Variants in UTP20 observed in about 807,000 individuals in gnomAD.
UTP20 encodes the protein small subunit processome component 20 homolog.
Under a neutral mutation model 329.5 loss-of-function variants are expected in UTP20, and 164 were observed. That is an observed-to-expected ratio of 0.50 (90% CI 0.44 to 0.57). The LOEUF is 0.57. Among genes scored for constraint, UTP20 ranks in the 20% least tolerant of loss-of-function variants. The pLI is 0.00. For missense variants in UTP20, 3,055 were observed against 3,284.2 expected (o/e 0.93, Z 1.71); for synonymous variants, 1,151 against 1,159.3 (o/e 0.99, Z 0.14).
At chr12:101,349,588 G>A (rs914430367) in intron 38 of UTP20, among the ~76,000 whole-genome samples, 2 of 151,744 alleles carry the variant, frequency 1.3e-5, no homozygotes, top group Admixed American at 1.3e-4. Flanking sequence ...ACAGGCATAC[G>A]CCTTGACTCT....
chr12:101,336,803 A>T (rs747810916), intron 29 of UTP20, among the ~76,000 whole-genome samples: 1 of 152,190 alleles, frequency 6.6e-6, no homozygotes, highest in Non-Finnish European at 1.5e-5. Context: ...ATGTTGTCTG[A>T]GTGATTGGAA....
Position 101,308,260 on chromosome 12 carries a change from G to T in UTP20, c.2071G>T (p.Asp691Tyr), listed in dbSNP as rs1336674781. The change falls in exon 18 of 62, where the codon GAT (aspartate) becomes TAT (tyrosine). Residue 691 changes from aspartate to tyrosine, a missense_variant. This residue lies in a region of UTP20 where 2,445 missense variants were observed against 2,575.5 expected (regional missense o/e 0.95). Transcript: ENST00000261637. ...QAELVPATVNDYREKLLHLRK... is the reference protein window; with the variant it reads ...QAELVPATVNYYREKLLHLRK... The stretch of plus-strand genomic sequence containing the variant: ...AGAACTTGTTCCAGCAACTGTGAAT[G>T]ATTATAGAGAGAAGCTTCTTCATTT... 1.2e-6 allele frequency: 2 copies of T among 1,612,930 alleles called. No homozygotes were observed. Among genetic ancestry groups the T allele is most frequent in the African/African-American group, 2.7e-5 (2 of 74,816 alleles).
intron 12 of UTP20, among the ~76,000 whole-genome samples, chr12:101,296,127 C>G (rs924913792): frequency 6.6e-6 from 1 of 152,168 alleles, no homozygotes; most frequent in African/African-American, 2.4e-5. Flanking sequence ...TATCAGATAT[C>G]ATCAGTTGTA....
At position 101,299,651 on chromosome 12, in the gene UTP20, G is replaced by A. The variant is rs770015552; in HGVS notation, c.1431-31G>A. ...GAGGGCAAGAGCGATTACATTCTCT[G>A]TTATTTTAAACATTTTTTTTAATCC... On this transcript the variant is annotated intron_variant, in intron 12 of 61. Coordinates refer to ENST00000261637, the MANE Select transcript of UTP20 (RefSeq NM_014503.3). 3 of 1,538,964 alleles carry A rather than the reference G, an allele frequency of 1.9e-6. No individual in the cohort carries two copies. In the African/African-American group the frequency reaches 4.2e-5, roughly 21 times the overall value.
intron 48 of UTP20, among the ~76,000 whole-genome samples, chr12:101,368,767 C>G (rs1870182536): frequency 6.6e-6 from 1 of 152,164 alleles, no homozygotes; most frequent in South Asian, 2.1e-4. Flanking sequence ...GGGCGAGGGC[C>G]TAGGTACAGA....
At position 101,385,608 on chromosome 12, in the gene UTP20, G is replaced by T; in HGVS notation, c.8082G>T (p.Gln2694His). 6.2e-7 allele frequency: 1 copy of T among 1,613,620 alleles called. No homozygotes were observed. The highest frequency in any genetic ancestry group is 1.3e-5 in the African/African-American group (1 of 75,002). ...EQDPLLKNLS[Q>H]EIIELLKKLV... ...ATCCTTTGCTGAAGAATCTATCCCA[G>T]GAAATCATAGAATTACTCAAAAAGC... Residue 2694 changes from glutamine (Q) to histidine (H), a missense_variant, in exon 61 of 62, where the codon CAG (glutamine) becomes CAT (histidine). Gln to His is a conservative substitution (Grantham distance 24). This residue lies in a region of UTP20 where 337 missense variants were observed against 345.5 expected (regional missense o/e 0.98). Transcript: ENST00000261637.
At chr12:101,305,863 G>T in intron 15 of UTP20, 52 bp from the exon 16 acceptor site, 1 of 1,473,130 alleles carries the variant, frequency 6.8e-7, no homozygotes, top group Non-Finnish European at 9.0e-7. Context: ...CTATAGTCTA[G>T]ATACTCTGGG....
At chr12:101,322,798 A>G (rs906237950) in intron 25 of UTP20, among the ~76,000 whole-genome samples, 2 of 152,240 alleles carry the variant, frequency 1.3e-5, no homozygotes, top group Non-Finnish European at 2.9e-5. Context: ...ACTATAATAG[A>G]CATAAAAATA....
chr12:101,328,288 T>C (rs888575680), intron 26 of UTP20, among the ~76,000 whole-genome samples: 1 of 152,200 alleles, frequency 6.6e-6, no homozygotes, highest in Non-Finnish European at 1.5e-5. Flanking sequence ...CTCTTATGGA[T>C]GGCCCGTTTG....
chr12:101,345,525 A>T (rs993638995), intron 36 of UTP20, 29 bp from the exon 37 acceptor site: 5 of 1,371,508 alleles, frequency 3.6e-6, no homozygotes, highest in Admixed American at 2.5e-5. Flanking sequence ...TTTAAAATAA[A>T]ATGTTTTTTC....
chr12:101,353,769 T>C (rs1274123512), intron 40 of UTP20, among the ~76,000 whole-genome samples: 1 of 152,182 alleles, frequency 6.6e-6, no homozygotes, highest in Non-Finnish European at 1.5e-5. Flanking sequence ...CTGACAAGAT[T>C]GATCTGTAAA....
intron 36 of UTP20, 133 bp downstream of exon 36, chr12:101,344,883 TC>T (rs1869266458): frequency 3.6e-6 from 2 of 561,922 alleles, no homozygotes; most frequent in South Asian, 6.8e-5. Context: ...GAGTAAATAG[TC>T]ACCAGACTTT....
chr12:101,374,541 C>T (rs2121041727), intron 54 of UTP20, among the ~76,000 whole-genome samples: 1 of 152,028 alleles, frequency 6.6e-6, no homozygotes, highest in Middle Eastern at 3.4e-3. Context: ...TTTCCATTTC[C>T]TTTTAATTAA....
At chr12:101,351,198 C>G (rs959343583) in intron 38 of UTP20, among the ~76,000 whole-genome samples, 1 of 151,720 alleles carries the variant, frequency 6.6e-6, no homozygotes. Flanking sequence ...ACAATCTTGG[C>G]TCACTGCAAC....
rs749171301 is a variant in UTP20, at chr12:101,338,139, C to T, written c.3730C>T (p.Leu1244Phe). 1.2e-6 allele frequency: 2 copies of T among 1,614,196 alleles called. No homozygotes were observed. Among genetic ancestry groups the T allele is most frequent in the Non-Finnish European group, 1.7e-6 (2 of 1,180,026 alleles). Residue 1244 changes from leucine to phenylalanine, a missense_variant, in exon 30 of 62, where the codon CTT becomes TTT. By Grantham distance (22) the Leu-to-Phe change is conservative (BLOSUM62 0). This residue lies in a region of UTP20 where 2,445 missense variants were observed against 2,575.5 expected (regional missense o/e 0.95). Transcript: ENST00000261637. ...NVFAILSAKN[L>F]SDATASIVMD... is the part of the protein sequence containing the mutation. ...TTTTGCAATTCTCTCAGCGAAGAAT[C>T]TTTCTGATGCCACAGCCAGTATTGT... is the stretch of plus-strand genomic sequence containing the variant.
intron 45 of UTP20, 77 bp downstream of exon 45, chr12:101,363,820 A>C (rs1870010679): frequency 2.2e-6 from 2 of 922,382 alleles, no homozygotes; most frequent in African/African-American, 3.3e-5. Flanking sequence ...TGCGGGGCAA[A>C]CTGAAACACT....
intron 21 of UTP20, among the ~76,000 whole-genome samples, chr12:101,316,088 G>A (rs1301488075): frequency 2.0e-5 from 3 of 152,218 alleles, no homozygotes; most frequent in African/African-American, 7.2e-5. Flanking sequence ...TGACTTTGAA[G>A]TATATTACAG....
Position 101,290,212 on chromosome 12 carries a change from G to A in UTP20, c.673G>A (p.Gly225Arg). ...ACATCCAGAAAAAGTTGAAGGTGTT[G>A]GACAGTTGCTCTTTGAAATGTGCAA... ...DKHPEKVEGV[G>R]QLLFEMCKGV... Residue 225 changes from glycine (G) to arginine (R), a missense_variant, in exon 7 of 62, where the codon GGA becomes AGA. Gly to Arg is a moderately radical substitution (Grantham distance 125). Coordinates refer to ENST00000261637, the MANE Select transcript of UTP20 (RefSeq NM_014503.3). 6.2e-7 allele frequency: 1 copy of A among 1,608,574 alleles called. No individual in the cohort carries two copies. Among genetic ancestry groups the A allele is most frequent in the Non-Finnish European group, 8.5e-7 (1 of 1,177,300 alleles).
Position 101,286,399 on chromosome 12 carries a change from G to T in UTP20, c.405G>T (p.Ser135=), listed in dbSNP as rs139691544. The T allele has an allele frequency of 1.9e-6, 3 of 1,613,540 alleles. No homozygotes were observed. The highest frequency in any genetic ancestry group is 2.7e-5 in the African/African-American group (2 of 74,876). ...HFPEFFLTIT[S]ILETQDTELL... is the part of the protein sequence containing the mutation. Reference sequence around the variant, plus strand: ...CAGAGTTTTTTTTGACTATCACCTCGATCCTGGAGACTCAGGACACAGAGT... The same window carrying T: ...CAGAGTTTTTTTTGACTATCACCTCTATCCTGGAGACTCAGGACACAGAGT... The change falls in exon 5 of 62, where the codon TCG becomes TCT. Residue 135 remains serine (S), a synonymous_variant. Coordinates refer to ENST00000261637, the MANE Select transcript of UTP20 (RefSeq NM_014503.3).
Sources: gnomAD v4.1 joint callset for allele counts (sites outside exome capture counted in the v4.1 genomes callset) on GRCh38, gnomAD v4.1.1 for gene constraint, gnomAD v4.1.1 regional missense constraint, MANE v1.5 for transcripts, NCBI Gene and HGNC (gene_info 2026-07-23, HGNC 2026-07-21) for gene names.